Variants in CSMD3 observed in about 807,000 individuals in gnomAD.
CSMD3 encodes CUB and Sushi multiple domains 3, also known as CUB and sushi domain-containing protein 3.
A neutral mutation model predicts 435.2 loss-of-function variants in CSMD3; 177 were observed. The observed-to-expected ratio is 0.41, with a 90% CI of 0.36 to 0.46. The LOEUF (loss-of-function observed/expected upper bound fraction) is 0.46, where lower values mean the gene tolerates loss of function less well. CSMD3 is among the 20% of genes least tolerant of loss of function. The pLI, the probability that CSMD3 is intolerant of heterozygous loss-of-function variation, is 0.34. For synonymous variants in CSMD3, 1,656 were observed against 1,520.5 expected (o/e 1.09, Z -2.07); for missense variants, 4,265 against 4,504.6 (o/e 0.95, Z 1.52).
At chr8:112,508,583 T>C (rs769411446) in intron 28 of CSMD3, among the ~76,000 whole-genome samples, 9 of 152,198 alleles carry the variant, frequency 5.9e-5, no homozygotes, top group Non-Finnish European at 1.0e-4. Context: ...TCTCATCTAC[T>C]ATTCAATCAG....
intron 27 of CSMD3, 122 bp downstream of exon 27, chr8:112,550,549 T>G (rs552784468): frequency 1.6e-6 from 1 of 620,900 alleles, no homozygotes; most frequent in Admixed American, 2.8e-5. Context: ...ATAGGAAGAC[T>G]AGAAACACGA....
At chr8:113,061,753 T>TA (rs1009505891) in intron 5 of CSMD3, among the ~76,000 whole-genome samples, 16 of 150,726 alleles carry the variant, frequency 1.1e-4, no homozygotes, top group South Asian at 4.2e-4. Context: ...CATAGGTTAA[T>TA]AAAAAAAAAG....
chr8:112,560,156 T>C (rs1828491047), intron 24 of CSMD3, among the ~76,000 whole-genome samples: 1 of 151,788 alleles, frequency 6.6e-6, no homozygotes, highest in Non-Finnish European at 1.5e-5. Flanking sequence ...CTTGTATAGT[T>C]CTAAGTACTA....
intron 3 of CSMD3, among the ~76,000 whole-genome samples, chr8:113,202,979 T>G (rs1288114170): frequency 6.6e-6 from 1 of 152,092 alleles, no homozygotes; most frequent in Non-Finnish European, 1.5e-5. Flanking sequence ...AAGAATAAGA[T>G]TTCGCTGGTG....
At chr8:112,764,804 T>A (rs1249870355) in intron 13 of CSMD3, among the ~76,000 whole-genome samples, 1 of 151,732 alleles carries the variant, frequency 6.6e-6, no homozygotes, top group Non-Finnish European at 1.5e-5. Flanking sequence ...AGTTAAGGTG[T>A]CTTTACAAAT....
At chr8:112,515,021 T>G (rs1257405394) in intron 28 of CSMD3, among the ~76,000 whole-genome samples, 1 of 152,098 alleles carries the variant, frequency 6.6e-6, no homozygotes, top group African/African-American at 2.4e-5. Context: ...CACAACCTGC[T>G]TAACTTAAGT....
rs114262275 is a variant in CSMD3 at position 112,331,010 on chromosome 8, G to A, written c.7165+4319C>T. 4.8e-3 allele frequency among the ~76,000 whole-genome samples: 734 copies of A among 151,964 alleles called. 5 individuals are homozygous for A. The highest frequency in any genetic ancestry group is 0.017 in the African/African-American group (697 of 41,488). On this transcript the variant is annotated intron_variant, in intron 45 of 70. Coordinates refer to ENST00000297405, the MANE Select transcript of CSMD3 (RefSeq NM_198123.2). The stretch of plus-strand genomic sequence containing the variant: ...GGTTATCCGGTTTTTTACTCAGTTT[G>A]TTCATTATTAAAATGAAGATAATAA...
intron 36 of CSMD3, among the ~76,000 whole-genome samples, chr8:112,386,755 C>A (rs977425928): frequency 1.3e-5 from 2 of 152,136 alleles, no homozygotes; most frequent in East Asian, 3.9e-4. Context: ...CCTCGGCCCC[C>A]CAAAGTGCTG....
chr8:112,890,586 A>G (rs2081755935), intron 10 of CSMD3, among the ~76,000 whole-genome samples: 1 of 151,724 alleles, frequency 6.6e-6, no homozygotes. Flanking sequence ...CTACCTGGGA[A>G]TTCTACAGGT....
intron 13 of CSMD3, among the ~76,000 whole-genome samples, chr8:112,716,132 A>G (rs1391015028): frequency 3.3e-5 from 5 of 152,172 alleles, no homozygotes; most frequent in African/African-American, 1.2e-4. Context: ...AGGAAGTCAA[A>G]TTGTTTCTGT....
intron 13 of CSMD3, among the ~76,000 whole-genome samples, chr8:112,734,252 A>C (rs1376591578): frequency 6.6e-6 from 1 of 151,672 alleles, no homozygotes; most frequent in Admixed American, 6.6e-5. Context: ...GGAAGGAAAA[A>C]AGGAAGAAGA....
At chr8:112,949,057 G>A (rs1486308889) in intron 8 of CSMD3, among the ~76,000 whole-genome samples, 3 of 151,948 alleles carry the variant, frequency 2.0e-5, no homozygotes, top group African/African-American at 7.3e-5. Context: ...TGTTGCGGTT[G>A]TAGGTGTGAG....
chr8:113,058,434 A>G (rs775118747), intron 5 of CSMD3, among the ~76,000 whole-genome samples: 1 of 151,934 alleles, frequency 6.6e-6, no homozygotes, highest in Non-Finnish European at 1.5e-5. Context: ...TTTTTTTAAT[A>G]AACTTTCAAA....
intron 63 of CSMD3, among the ~76,000 whole-genome samples, chr8:112,251,543 T>C (rs1393409836): frequency 6.6e-6 from 1 of 151,764 alleles, no homozygotes; most frequent in African/African-American, 2.4e-5. Context: ...GTATTTATCA[T>C]TTAAGGTAAT....
chr8:113,263,906 T>C (rs2093447193), intron 3 of CSMD3, among the ~76,000 whole-genome samples: 1 of 151,830 alleles, frequency 6.6e-6, no homozygotes, highest in Non-Finnish European at 1.5e-5. Flanking sequence ...ATTTTATTCA[T>C]GCTGAAAATT....
chr8:112,281,331 T>A lies in CSMD3; in HGVS notation c.9351A>T (p.Pro3117=), dbSNP rs756564733. The A allele has an allele frequency of 1.9e-6, 3 of 1,612,954 alleles. No homozygotes were observed. ...PECKAVQCGN[P]GTTANGKVFR... is the part of the protein sequence containing the mutation. ...AGACTTTCCCATTGGCTGTGGTTCC[T>A]GGGTTACCACACTGCACAGCTATAA... Residue 3117 remains proline, a synonymous_variant, in exon 59 of 71, where the codon CCA becomes CCT. Coordinates refer to ENST00000297405, the MANE Select transcript of CSMD3 (RefSeq NM_198123.2).
chr8:112,506,916 G>A (rs2130933453), intron 28 of CSMD3, 87 bp from the exon 29 acceptor site: 1 of 1,189,182 alleles, frequency 8.4e-7, no homozygotes, highest in Non-Finnish European at 1.2e-6. Context: ...GTCTCTAAAA[G>A]AGCTTATGAG....
intron 3 of CSMD3, among the ~76,000 whole-genome samples, chr8:113,247,052 T>A (rs75493386): frequency 6.6e-6 from 1 of 152,176 alleles, no homozygotes; most frequent in East Asian, 1.9e-4. Flanking sequence ...ACTTTGCACA[T>A]GTGTGCACTT....
chr8:112,956,127 T>C (rs1307052920), intron 7 of CSMD3, among the ~76,000 whole-genome samples: 1 of 152,046 alleles, frequency 6.6e-6, no homozygotes, highest in Non-Finnish European at 1.5e-5. Flanking sequence ...TTATTATTAG[T>C]TGTGGGATTT....
Sources: allele counts gnomAD v4.1 joint callset (sites outside exome capture counted in the v4.1 genomes callset), GRCh38; gene constraint gnomAD v4.1.1; transcripts MANE v1.5; gene names NCBI Gene and HGNC (gene_info 2026-07-23, HGNC 2026-07-21).